TRUB2: variants seen among roughly 807,000 people sequenced by gnomAD.
The protein encoded by TRUB2 is pseudouridylate synthase TRUB2, mitochondrial.
A neutral mutation model predicts 31.9 loss-of-function variants in TRUB2; 31 were observed. The observed-to-expected ratio is 0.97, with a 90% confidence interval of 0.73 to 1.31. The LOEUF (loss-of-function observed/expected upper bound fraction) is 1.31, where lower values mean the gene tolerates loss of function less well. Among genes scored for constraint, TRUB2 ranks in the 50% most tolerant of loss-of-function variants. The pLI, the probability that TRUB2 is intolerant of heterozygous loss-of-function variation, is 0.00. For synonymous variants in TRUB2, 201 were observed against 182.6 expected, an observed-to-expected ratio of 1.10 and a Z score of -0.81; for missense variants, 451 against 439.6, an observed-to-expected ratio of 1.03 and a Z score of -0.23.
rs1236028421 is a variant in TRUB2 at position 128,308,045 on chromosome 9, C to G, written c.*1505G>C. 6.6e-6 allele frequency: 1 copy of G among 152,192 alleles called. No individual in the cohort carries two copies. Among genetic ancestry groups the G allele is most frequent in the Non-Finnish European group, 1.5e-5 (1 of 68,132 alleles). 9.4% of individuals were successfully genotyped at this position (152,192 alleles called of 1,614,324 possible). On this transcript the variant is annotated 3_prime_UTR_variant, in exon 8 of 8. Coordinates refer to ENST00000372890, the MANE Select transcript of TRUB2 (RefSeq NM_015679.3). ...AGGAGTTCCAGACCAGCCTGGCCAA[C>G]ATGGTGAAACCCTGTCTCTACTAAA...
chr9:128,320,656 G>T (rs902851821), intron 2 of TRUB2, among the ~76,000 whole-genome samples: 1 of 151,988 alleles, frequency 6.6e-6, no homozygotes, highest in African/African-American at 2.4e-5. Flanking sequence ...GTAGAAGTAG[G>T]GTTTCCCCAT....
chr9:128,305,689 TGCTGGGTGGC>T lies in TRUB2; in HGVS notation c.*3851_*3860del. The T allele has an allele frequency of 2.0e-5, 3 of 152,090 alleles. No individual in the cohort carries two copies. Among genetic ancestry groups the T allele is most frequent in the Non-Finnish European group, 4.4e-5 (3 of 68,040 alleles). 9.4% of individuals were successfully genotyped at this position (152,090 alleles called of 1,614,324 possible). A position where few individuals can be genotyped will look rare whatever the true frequency, so the allele number is the denominator to read the frequency against. The stretch of plus-strand genomic sequence containing the variant: ...CAGGCGTGAGCCACCACGCTCAGCC[TGCTGGGTGGC>T]TTTTTCTTTTTTTCTGACATAGGGT... On this transcript the variant is annotated 3_prime_UTR_variant, in exon 8 of 8. Coordinates refer to ENST00000372890, the MANE Select transcript of TRUB2 (RefSeq NM_015679.3).
intron 4 of TRUB2, among the ~76,000 whole-genome samples, chr9:128,315,202 G>A (rs928171009): frequency 2.0e-5 from 3 of 152,118 alleles, no homozygotes; most frequent in Non-Finnish European, 4.4e-5. Context: ...GAGAGACCTA[G>A]GTTCAAATCC....
In TRUB2 at chr9:128,322,417, A is replaced by C. The variant is rs374714727; in HGVS notation, c.-9T>G. On this transcript the variant is annotated 5_prime_UTR_variant, in exon 1 of 8. Coordinates refer to ENST00000372890, the MANE Select transcript of TRUB2 (RefSeq NM_015679.3). ...AAGCCAGCAGACCCCATACTTGAAGATCACAGCACCCGCTGGACCTGGACG... is the reference window on the plus strand; with the variant it reads ...AAGCCAGCAGACCCCATACTTGAAGCTCACAGCACCCGCTGGACCTGGACG... The C allele has an allele frequency of 2.5e-6, 4 of 1,613,986 alleles. No individual in the cohort carries two copies. Among genetic ancestry groups the C allele is most frequent in the Non-Finnish European group, 3.4e-6 (4 of 1,179,932 alleles).
chr9:128,314,854 A>G (rs1832040590), intron 4 of TRUB2, among the ~76,000 whole-genome samples: 1 of 152,202 alleles, frequency 6.6e-6, no homozygotes, highest in Non-Finnish European at 1.5e-5. Flanking sequence ...CTGGGATTAC[A>G]GGTATGAGTC....
At chr9:128,311,891 A>G (rs1365702474) in intron 5 of TRUB2, among the ~76,000 whole-genome samples, 2 of 141,724 alleles carry the variant, frequency 1.4e-5, no homozygotes, top group Non-Finnish European at 3.0e-5. Flanking sequence ...ACTGGAGTGC[A>G]GTGGCGCAAT....
intron 4 of TRUB2, 69 bp downstream of exon 4, chr9:128,315,498 T>C (rs933050889): frequency 7.2e-6 from 11 of 1,537,768 alleles, no homozygotes; most frequent in African/African-American, 4.1e-5. Flanking sequence ...TCCTCTAAGC[T>C]TCAGAATCCT....
intron 3 of TRUB2, 48 bp from the exon 4 acceptor site, chr9:128,315,676 C>T (rs749072711): frequency 1.3e-6 from 2 of 1,589,526 alleles, no homozygotes; most frequent in South Asian, 1.1e-5. Flanking sequence ...CCTTCCCATT[C>T]CCCTAAGTAT....
chr9:128,313,891 T>C lies in TRUB2; in HGVS notation c.379-2A>G. On this transcript the variant is annotated splice_acceptor_variant, in intron 4 of 7. Transcript: ENST00000372890. LOFTEE classifies it high-confidence loss of function. Reference sequence around the variant, plus strand: ...CAGGAGGCCACGCACTGTGTAATCCTTCAAGGACAGGGAGGTAAAGATCCG... The same window carrying C: ...CAGGAGGCCACGCACTGTGTAATCCCTCAAGGACAGGGAGGTAAAGATCCG... 6.2e-7 allele frequency: 1 copy of C among 1,613,672 alleles called. No individual in the cohort carries two copies. The highest frequency in any genetic ancestry group is 8.5e-7 in the Non-Finnish European group (1 of 1,179,734).
intron 2 of TRUB2, among the ~76,000 whole-genome samples, chr9:128,319,275 G>A (rs1417991352): frequency 2.0e-5 from 3 of 150,554 alleles, no homozygotes; most frequent in Non-Finnish European, 2.9e-5. Flanking sequence ...GCAGTGAGCC[G>A]AGATCGTGCC....
At chr9:128,313,216 C>CAAAAAA (rs1201864514) in intron 5 of TRUB2, among the ~76,000 whole-genome samples, 7 of 116,048 alleles carry the variant, frequency 6.0e-5, no homozygotes, top group South Asian at 2.7e-4. Context: ...GACATCGTTT[C>CAAAAAA]AAAAAAAAAA....
chr9:128,313,809 A>G lies in TRUB2; in HGVS notation c.459T>C (p.Tyr153=), dbSNP rs1588523644. Residue 153 remains tyrosine, a splice_region_variant and synonymous_variant, in exon 5 of 8, where the codon TAT becomes TAC. Coordinates refer to ENST00000372890, the MANE Select transcript of TRUB2 (RefSeq NM_015679.3). ...GCGGCAGCCACTTCCGGTTCTCACCATAGGTTGTCTTCTCTACCAGCCTCC... is the reference window on the plus strand; with the variant it reads ...GCGGCAGCCACTTCCGGTTCTCACCGTAGGTTGTCTTCTCTACCAGCCTCC... ...EDGRLVEKTT[Y]DHVTREKLDR... 3.7e-6 allele frequency: 6 copies of G among 1,614,140 alleles called. No individual in the cohort carries two copies. Among genetic ancestry groups the G allele is most frequent in the Non-Finnish European group, 4.2e-6 (5 of 1,180,016 alleles).
chr9:128,313,211 C>T (rs1449289816), intron 5 of TRUB2, among the ~76,000 whole-genome samples: 22 of 144,242 alleles, frequency 1.5e-4, no homozygotes, highest in African/African-American at 4.4e-4. Context: ...AGCGAGACAT[C>T]GTTTCAAAAA....
Position 128,309,467 on chromosome 9 carries a change from C to G in TRUB2, c.*83G>C. The G allele has an allele frequency of 1.4e-6, 2 of 1,442,292 alleles. No individual in the cohort carries two copies. The highest frequency in any genetic ancestry group is 1.9e-6 in the Non-Finnish European group (2 of 1,069,966). 89.3% of individuals were successfully genotyped at this position (1,442,292 alleles called of 1,614,324 possible). On this transcript the variant is annotated 3_prime_UTR_variant, in exon 8 of 8. Transcript: ENST00000372890. ...CTTACGTAGAAAAGGTGCCCCTGCT[C>G]TCACTTTCTGCACAGCTATCAGGTC...
intron 5 of TRUB2, 147 bp from the exon 6 acceptor site, chr9:128,311,748 T>C: frequency 1.3e-6 from 1 of 763,388 alleles, no homozygotes; most frequent in Middle Eastern, 2.3e-4. Flanking sequence ...TGGGAGTCCT[T>C]TGAGATTCTC....
rs1164176381 is a variant in TRUB2, at chr9:128,309,808, T to C, written c.738A>G (p.Leu246=). 1 of 1,614,234 alleles carries C rather than the reference T, an allele frequency of 6.2e-7. No homozygotes were observed. The highest frequency in any genetic ancestry group is 1.7e-5 in the Admixed American group (1 of 60,024). The change falls in exon 8 of 8, where the codon CTA becomes CTG. Residue 246 remains leucine (L), a synonymous_variant. Transcript: ENST00000372890. ...RKLVHEIGLE[L]KTTAVCTQVR... ...CTTGGGTGCAGACAGCAGTGGTCTT[T>C]AGTTCCAGGCCGATTTCATGAACCA...
At position 128,313,798 on chromosome 9, in the gene TRUB2, C is replaced by T. The variant is rs374107197; in HGVS notation, c.460+10G>A. 1.1e-5 allele frequency: 18 copies of T among 1,613,662 alleles called. No homozygotes were observed. Among genetic ancestry groups the T allele is most frequent in the Admixed American group, 5.0e-5 (3 of 59,992 alleles). The stretch of plus-strand genomic sequence containing the variant: ...GGAGGGAGGCAGCGGCAGCCACTTC[C>T]GGTTCTCACCATAGGTTGTCTTCTC... On this transcript the variant is annotated intron_variant, in intron 5 of 7. Coordinates refer to ENST00000372890, the MANE Select transcript of TRUB2 (RefSeq NM_015679.3).
Position 128,322,352 on chromosome 9 carries a change from C to T in TRUB2, c.57G>A (p.Pro19=). 2 of 1,614,092 alleles carry T rather than the reference C, an allele frequency of 1.2e-6. No individual in the cohort carries two copies. Among genetic ancestry groups the T allele is most frequent in the Admixed American group, 1.7e-5 (1 of 60,008 alleles). Reference sequence around the variant, plus strand: ...CCCGCAGGTGCTTCCATTTTAGCCCCGGGGGCTTATAGACCGCGAAAAGCC... The same window carrying T: ...CCCGCAGGTGCTTCCATTTTAGCCCTGGGGGCTTATAGACCGCGAAAAGCC... ...LHGLFAVYKP[P]GLKWKHLRDT... The change falls in exon 1 of 8, where the codon CCG becomes CCA. Residue 19 remains proline (P), a synonymous_variant. Coordinates refer to ENST00000372890, the MANE Select transcript of TRUB2 (RefSeq NM_015679.3).
chr9:128,313,950 G>A (rs1832024699), intron 4 of TRUB2, 61 bp from the exon 5 acceptor site: 2 of 1,519,064 alleles, frequency 1.3e-6, no homozygotes, highest in Non-Finnish European at 1.8e-6. Context: ...AGTAGCCCCT[G>A]CCCCAGAAGC....
Sources: allele counts gnomAD v4.1 joint callset (sites outside exome capture counted in the v4.1 genomes callset), GRCh38; gene constraint gnomAD v4.1.1; transcripts MANE v1.5; gene names NCBI Gene and HGNC (gene_info 2026-07-23, HGNC 2026-07-21).